MAJIN: variants seen among roughly 807,000 people sequenced by gnomAD.
The protein encoded by MAJIN is membrane anchored junction protein, also known as membrane-anchored junction protein.
In MAJIN, 27 loss-of-function variants were observed where a neutral mutation model predicts 30.2. The observed-to-expected ratio is 0.89, with a 90% CI of 0.66 to 1.23. The LOEUF (loss-of-function observed/expected upper bound fraction) is 1.23. Ranked by LOEUF, MAJIN falls within the 50% of genes most tolerant of loss-of-function variation. MAJIN has a pLI of 0.00. For synonymous variants in MAJIN, 78 were observed against 91.6 expected, an observed-to-expected ratio of 0.85 and a Z score of 0.85; for missense variants, 253 against 260.3, an observed-to-expected ratio of 0.97 and a Z score of 0.19.
intron 4 of MAJIN, among the ~76,000 whole-genome samples, chr11:64,951,149 ACTTAT>A (rs2136761266): frequency 6.6e-6 from 1 of 152,292 alleles, no homozygotes; most frequent in South Asian, 2.1e-4. Flanking sequence ...TATACACCTG[ACTTAT>A]CTTAGTATCC....
intron 6 of MAJIN, among the ~76,000 whole-genome samples, chr11:64,948,639 A>ATATATGTT (rs1565127334): frequency 5.4e-5 from 1 of 18,478 alleles, no homozygotes; most frequent in Non-Finnish European, 8.1e-5. Flanking sequence ...ATATATATAT[A>ATATATGTT]TTTTTTTTTT....
At chr11:64,944,796 CAT>C (rs1181874790) in intron 8 of MAJIN, among the ~76,000 whole-genome samples, 4 of 151,622 alleles carry the variant, frequency 2.6e-5, no homozygotes, top group African/African-American at 9.7e-5. Context: ...ACTTTGGAGA[CAT>C]AGAGAAAAAA....
At chr11:64,952,815 C>T (rs966443112) in intron 4 of MAJIN, among the ~76,000 whole-genome samples, 3 of 152,166 alleles carry the variant, frequency 2.0e-5, no homozygotes, top group African/African-American at 7.2e-5. Flanking sequence ...AGCAATTCTC[C>T]TGCCTCAGCC....
chr11:64,946,013 T>C (rs596321), intron 8 of MAJIN: 47 of 1,364,772 alleles, frequency 3.4e-5, no homozygotes, highest in Middle Eastern at 4.6e-4. Flanking sequence ...ACCGGAATCC[T>C]GACTTGTAAC....
intron 1 of MAJIN, among the ~76,000 whole-genome samples, chr11:64,968,887 C>G (rs1945853431): frequency 6.6e-6 from 1 of 150,950 alleles, no homozygotes; most frequent in African/African-American, 2.4e-5. Flanking sequence ...ATCTAAATAT[C>G]TGGTGACTGA....
rs759078657 is a variant in MAJIN, at chr11:64,952,325, T to C, written c.148-1895A>G. ...GCCTCAGCCTCCCAAGTAGCTGGGA[T>C]TACAGGTGCCTGCCACCACACCTGG... On this transcript the variant is annotated intron_variant, in intron 4 of 10. Coordinates refer to ENST00000301896, the MANE Select transcript of MAJIN (RefSeq NM_001037225.3). Among the ~76,000 whole-genome samples the C allele has an allele frequency of 3.7e-4, 56 of 151,820 alleles. 1 individual carries two copies. The highest frequency in any genetic ancestry group is 6.9e-3 in the Middle Eastern group (2 of 290).
rs1448452891 is a variant in MAJIN at position 64,938,446 on chromosome 11, G to T, written c.*129C>A. 3 of 1,438,864 alleles carry T rather than the reference G, an allele frequency of 2.1e-6. No individual in the cohort carries two copies. The highest frequency in any genetic ancestry group is 1.9e-6 in the Non-Finnish European group (2 of 1,059,294). The allele number at this position is 1,438,864 out of a possible 1,614,324, so 89.1% of individuals were successfully genotyped here. A position where few individuals can be genotyped will look rare whatever the true frequency, so the allele number is the denominator to read the frequency against. On this transcript the variant is annotated 3_prime_UTR_variant, in exon 11 of 11. Coordinates refer to ENST00000301896, the MANE Select transcript of MAJIN (RefSeq NM_001037225.3). The stretch of plus-strand genomic sequence containing the variant: ...CCACGACTGAAGTGTCATAAGAAAA[G>T]GATAGAGTTGGAGGAAGAATGGCTC...
intron 8 of MAJIN, among the ~76,000 whole-genome samples, chr11:64,941,307 A>C (rs966115906): frequency 5.3e-5 from 8 of 152,196 alleles, no homozygotes; most frequent in African/African-American, 1.9e-4. Context: ...AGGACCTTAA[A>C]TTTACCTTGG....
intron 3 of MAJIN, among the ~76,000 whole-genome samples, chr11:64,957,458 T>C (rs1305134196): frequency 6.6e-6 from 1 of 152,118 alleles, no homozygotes; most frequent in Non-Finnish European, 1.5e-5. Context: ...CAGGCTGGAG[T>C]GCAGCGGCGC....
intron 4 of MAJIN, among the ~76,000 whole-genome samples, chr11:64,951,538 G>A (rs535271157): frequency 1.3e-5 from 2 of 152,204 alleles, no homozygotes; most frequent in East Asian, 1.9e-4. Flanking sequence ...GCCAAGGCAG[G>A]TGGACTGCTT....
chr11:64,956,916 G>A (rs563621168), intron 3 of MAJIN, among the ~76,000 whole-genome samples: 103 of 151,758 alleles, frequency 6.8e-4, no homozygotes, highest in Non-Finnish European at 1.2e-3. Flanking sequence ...ACATGCACCC[G>A]CCATCACGCC....
chr11:64,966,569 CT>C (rs1285563082), intron 1 of MAJIN, among the ~76,000 whole-genome samples: 6 of 151,976 alleles, frequency 3.9e-5, no homozygotes, highest in Non-Finnish European at 8.8e-5. Flanking sequence ...AAGAAAAGGA[CT>C]TTTTATATAA....
intron 8 of MAJIN, among the ~76,000 whole-genome samples, chr11:64,945,623 C>T (rs1179893236): frequency 1.3e-5 from 2 of 152,022 alleles, no homozygotes; most frequent in Non-Finnish European, 2.9e-5. Context: ...GCAACCTCCG[C>T]CTCCTGGGTT....
chr11:64,950,149 G>T (rs1945527688), intron 5 of MAJIN, among the ~76,000 whole-genome samples: 1 of 152,050 alleles, frequency 6.6e-6, no homozygotes, highest in Non-Finnish European at 1.5e-5. Context: ...GGCCAACATG[G>T]TGAAATAGCG....
rs141674274 is a variant in MAJIN at position 64,947,444 on chromosome 11, C to T, written c.403G>A (p.Val135Ile). The T allele has an allele frequency of 2.3e-5, 37 of 1,613,874 alleles. No homozygotes were observed. The highest frequency in any genetic ancestry group is 3.1e-5 in the Non-Finnish European group (37 of 1,180,040). ...LGLVPVEKKA[V>I]GAVMRKRKHM... is the part of the protein sequence containing the mutation. ...TTTCGTTTCCTCATCACAGCTCCTA[C>T]TGCTTTCTTCTCAACTGGGACCTTC... Residue 135 changes from valine (V) to isoleucine (I), a missense_variant, in exon 8 of 11, where the codon GTA (valine) becomes ATA (isoleucine). Coordinates refer to ENST00000301896, the MANE Select transcript of MAJIN (RefSeq NM_001037225.3).
chr11:64,971,242 A>G (rs1457112376), intron 1 of MAJIN, among the ~76,000 whole-genome samples: 1 of 152,008 alleles, frequency 6.6e-6, no homozygotes, highest in Non-Finnish European at 1.5e-5. Flanking sequence ...AGCCTGGCCA[A>G]CATGGTGAAA....
intron 8 of MAJIN, 140 bp downstream of exon 8, chr11:64,947,234 G>A (rs551356904): frequency 7.1e-6 from 4 of 562,966 alleles, no homozygotes; most frequent in African/African-American, 5.8e-5. Context: ...CCTTTCCTTA[G>A]TCCACCCACT....
chr11:64,944,851 A>G (rs1202728058), intron 8 of MAJIN, among the ~76,000 whole-genome samples: 1 of 152,186 alleles, frequency 6.6e-6, no homozygotes. Context: ...ACAGCTATTT[A>G]AAGAGGGGAG....
intron 8 of MAJIN, among the ~76,000 whole-genome samples, chr11:64,942,311 G>A (rs566404817): frequency 6.6e-6 from 1 of 152,090 alleles, no homozygotes; most frequent in South Asian, 2.1e-4. Context: ...TTTTTGGGGA[G>A]TGAGTGGTGT....
Sources: allele counts gnomAD v4.1 joint callset (sites outside exome capture counted in the v4.1 genomes callset), GRCh38; gene constraint gnomAD v4.1.1; transcripts MANE v1.5; gene names NCBI Gene and HGNC (gene_info 2026-07-23, HGNC 2026-07-21).